PFKP: variants seen among roughly 807,000 people sequenced by gnomAD.
PFKP encodes the protein ATP-dependent 6-phosphofructokinase, platelet type.
A neutral mutation model predicts 94.3 loss-of-function variants in PFKP; 101 were observed. The observed-to-expected ratio is 1.07, with a 90% CI of 0.91 to 1.26. The LOEUF is 1.26. Among genes scored for constraint, PFKP ranks in the 50% most tolerant of loss-of-function variants. The pLI, the probability that PFKP is intolerant of heterozygous loss-of-function variation, is 0.00. For synonymous variants in PFKP, 573 were observed against 432.6 expected, an observed-to-expected ratio of 1.32 and a Z score of -4.03; for missense variants, 1,145 against 1,103.3, an observed-to-expected ratio of 1.04 and a Z score of -0.53.
At chr10:3,084,904 TCCAGCACGGTCCCCCATTCCCTCC>T (rs1472362089) in intron 2 of PFKP, among the ~76,000 whole-genome samples, 2 of 9,992 alleles carry the variant, frequency 2.0e-4, no homozygotes, top group African/African-American at 4.3e-4. Context: ...CACTCCACTC[TCCAGCACGGTCCCCCATTCCCTCC>T]CCAGCACGGT....
At chr10:3,090,759 A>T (rs1833983654) in intron 2 of PFKP, among the ~76,000 whole-genome samples, 1 of 152,008 alleles carries the variant, frequency 6.6e-6, no homozygotes, top group African/African-American at 2.4e-5. Context: ...CGAACGTCCT[A>T]TGGGGGGAAA....
At chr10:3,094,333 G>T (rs73571281) in intron 2 of PFKP, among the ~76,000 whole-genome samples, 8,604 of 152,286 alleles carry the variant, frequency 0.056, 541 homozygotes, top group African/African-American at 0.16. Context: ...TCATGCTGTT[G>T]CATTATTGGT....
At chr10:3,107,500 C>A (rs766436162) in intron 8 of PFKP, among the ~76,000 whole-genome samples, 191 bp downstream of exon 8, 22 of 152,246 alleles carry the variant, frequency 1.4e-4, no homozygotes, top group Non-Finnish European at 2.6e-4. Flanking sequence ...GAGCCCATTC[C>A]GCTTACGTCA....
In PFKP at chr10:3,135,763, T is replaced by C; in HGVS notation, c.2150T>C (p.Ile717Thr). The change falls in exon 21 of 22, where the codon ATT (isoleucine) becomes ACT (threonine). Residue 717 changes from isoleucine to threonine, a missense_variant. By Grantham distance (89) the Ile-to-Thr change is moderately conservative (BLOSUM62 -1). This residue lies in a region of PFKP where 1,119 missense variants were observed against 1,062.8 expected (regional missense o/e 1.05). Transcript: ENST00000381125. Reference sequence around the variant, plus strand: ...AAAAAATTTACCACCGATGATTCCATTTGTGTGCTGGGAATAAGCAAAAGA... The same window carrying C: ...AAAAAATTTACCACCGATGATTCCACTTGTGTGCTGGGAATAAGCAAAAGA... ...RGKKFTTDDS[I>T]CVLGISKRNV... The C allele has an allele frequency of 1.2e-6, 2 of 1,612,740 alleles. No individual in the cohort carries two copies. Among genetic ancestry groups the C allele is most frequent in the African/African-American group, 1.3e-5 (1 of 75,010 alleles).
intron 10 of PFKP, among the ~76,000 whole-genome samples, chr10:3,111,246 G>T (rs1253206924): frequency 2.0e-5 from 3 of 152,004 alleles, no homozygotes; most frequent in African/African-American, 7.3e-5. Context: ...ATGCAGATGT[G>T]TGCATGTTGG....
intron 10 of PFKP, among the ~76,000 whole-genome samples, chr10:3,110,518 T>C (rs1477529838): frequency 6.6e-6 from 1 of 152,012 alleles, no homozygotes. Context: ...GCCCAGCTGT[T>C]GTTTTATTTT....
intron 20 of PFKP, among the ~76,000 whole-genome samples, chr10:3,135,031 T>A (rs1233398354): frequency 1.3e-5 from 2 of 151,912 alleles, no homozygotes; most frequent in Non-Finnish European, 2.9e-5. Context: ...ACTGTGCATG[T>A]TCTTCCTTAA....
At chr10:3,090,137 C>G (rs1833929368) in intron 2 of PFKP, among the ~76,000 whole-genome samples, 3 of 152,134 alleles carry the variant, frequency 2.0e-5, no homozygotes, top group Admixed American at 2.0e-4. Flanking sequence ...GTCTAAGTGG[C>G]CATCAGTGGG....
intron 2 of PFKP, among the ~76,000 whole-genome samples, chr10:3,093,324 A>C (rs1834205632): frequency 6.6e-6 from 1 of 152,144 alleles, no homozygotes; most frequent in Non-Finnish European, 1.5e-5. Context: ...TGTTTTAAAC[A>C]TAACTATTTC....
chr10:3,101,323 T>C (rs1419297790), intron 3 of PFKP, 42 bp from the exon 4 acceptor site: 3 of 1,520,966 alleles, frequency 2.0e-6, no homozygotes, highest in Non-Finnish European at 2.7e-6. Context: ...CCTGGCGCTC[T>C]CTCAGACTGA....
At chr10:3,111,810 C>T (rs944560339) in intron 10 of PFKP, among the ~76,000 whole-genome samples, 10 of 152,174 alleles carry the variant, frequency 6.6e-5, no homozygotes, top group Non-Finnish European at 1.2e-4. Flanking sequence ...CCACATCCCC[C>T]AGTGAGCTGG....
At chr10:3,102,437 A>T (rs936523724) in intron 4 of PFKP, among the ~76,000 whole-genome samples, 3 of 42,966 alleles carry the variant, frequency 7.0e-5, no homozygotes, top group African/African-American at 2.3e-4. Flanking sequence ...GTTTTGAGAC[A>T]GAGTCTTTCT....
At chr10:3,123,754 A>G (rs1837651601) in intron 16 of PFKP, among the ~76,000 whole-genome samples, 2 of 152,254 alleles carry the variant, frequency 1.3e-5, no homozygotes, top group South Asian at 4.1e-4. Flanking sequence ...CAGGCCAGCC[A>G]GTGCCCCGAC....
At chr10:3,084,594 G>T (rs1202699149) in intron 2 of PFKP, among the ~76,000 whole-genome samples, 2 of 151,990 alleles carry the variant, frequency 1.3e-5, no homozygotes, top group African/African-American at 4.8e-5. Context: ...TTTAAGGTCA[G>T]ATTGCCCTCC....
At chr10:3,118,683 C>A in intron 14 of PFKP, 99 bp from the exon 15 acceptor site, 3 of 759,194 alleles carry the variant, frequency 4.0e-6, no homozygotes, top group Non-Finnish European at 6.8e-6. Context: ...ATTAAAACCA[C>A]AGACTGGGGA....
intron 1 of PFKP, among the ~76,000 whole-genome samples, chr10:3,078,444 C>A (rs6602022): frequency 0.66 from 99,638 of 152,056 alleles, 32,950 homozygotes; most frequent in Middle Eastern, 0.83. Flanking sequence ...AGGCAGCTGA[C>A]TTGCAGTCCT....
intron 14 of PFKP, 151 bp downstream of exon 14, chr10:3,116,997 G>C: frequency 2.9e-6 from 2 of 694,318 alleles, no homozygotes; most frequent in South Asian, 3.3e-5. Flanking sequence ...CCTCCCTCCA[G>C]TGGAACTGCC....
rs1026594198 is a variant in PFKP at position 3,102,048 on chromosome 10, G to A, written c.454+494G>A. On this transcript the variant is annotated intron_variant, in intron 4 of 21. Transcript: ENST00000381125. ...GGGCGGATCACGAGGTCAGGAGATCGAGACCATCCCGGCTAAAACGGTGAA... is the reference window on the plus strand; with the variant it reads ...GGGCGGATCACGAGGTCAGGAGATCAAGACCATCCCGGCTAAAACGGTGAA... Among the ~76,000 whole-genome samples, 8 of 150,484 alleles carry A rather than the reference G, an allele frequency of 5.3e-5. No individual in the cohort carries two copies. In the East Asian group the frequency reaches 7.8e-4, roughly 15 times the overall value.
intron 10 of PFKP, among the ~76,000 whole-genome samples, chr10:3,111,698 C>A (rs377725309): frequency 6.6e-6 from 1 of 152,104 alleles, no homozygotes; most frequent in Non-Finnish European, 1.5e-5. Flanking sequence ...AAGATCCTGA[C>A]GTTGCCCAGG....
Sources: allele counts gnomAD v4.1 joint callset (sites outside exome capture counted in the v4.1 genomes callset), GRCh38; gene constraint gnomAD v4.1.1; regional missense constraint gnomAD v4.1.1; transcripts MANE v1.5; gene names NCBI Gene and HGNC (gene_info 2026-07-23, HGNC 2026-07-21).